The following TCEA1 variants were observed in gnomAD, a reference collection of about 807,000 sequenced individuals.
TCEA1 encodes the protein transcription elongation factor A1.
Under a neutral mutation model 43.8 loss-of-function variants are expected in TCEA1, and 21 were observed. That is an observed-to-expected ratio of 0.48 (90% CI 0.34 to 0.69). The LOEUF (loss-of-function observed/expected upper bound fraction) is 0.69. Among genes scored for constraint, TCEA1 ranks in the 30% least tolerant of loss-of-function variants. The pLI is 0.01. For synonymous variants in TCEA1, 104 were observed against 117.5 expected, an observed-to-expected ratio of 0.88 and a Z score of 0.75; for missense variants, 250 against 365.1, an observed-to-expected ratio of 0.68 and a Z score of 2.57.
rs1338315684 is a variant in TCEA1, at chr8:53,999,925, T to C, written c.232+20A>G. The C allele has an allele frequency of 7.2e-7, 1 of 1,388,738 alleles. No homozygotes were observed. The highest frequency in any genetic ancestry group is 1.2e-5 in the South Asian group (1 of 81,896). The allele number at this position is 1,388,738 out of a possible 1,614,324, so 86.0% of individuals were successfully genotyped here. ...TAAATCACAACATCATAAATATATG[T>C]AAGGGAAGATCAATGATACCTAATA... is the stretch of plus-strand genomic sequence containing the variant. On this transcript the variant is annotated intron_variant, in intron 3 of 9. Transcript: ENST00000521604.
chr8:54,017,683 G>A (rs1804878551), intron 1 of TCEA1, among the ~76,000 whole-genome samples: 1 of 152,214 alleles, frequency 6.6e-6, no homozygotes, highest in Non-Finnish European at 1.5e-5. Flanking sequence ...CAATTTGGGA[G>A]GCCGAGGCAG....
intron 2 of TCEA1, among the ~76,000 whole-genome samples, chr8:54,006,557 A>C (rs1160028937): frequency 6.6e-6 from 1 of 152,224 alleles, no homozygotes; most frequent in African/African-American, 2.4e-5. Context: ...AAAAAATTAG[A>C]GATGCTCATA....
In TCEA1 at chr8:53,993,818, G is replaced by T; in HGVS notation, c.233-63C>A. ...TAAAAACTAAAAACTAAAATACTGC[G>T]TTAACAGGCTATTTGCACAACATGA... On this transcript the variant is annotated intron_variant, in intron 3 of 9. Coordinates refer to ENST00000521604, the MANE Select transcript of TCEA1 (RefSeq NM_006756.4). 4 of 1,290,538 alleles carry T rather than the reference G, an allele frequency of 3.1e-6. No individual in the cohort carries two copies. In the South Asian group the frequency reaches 5.0e-5, roughly 16 times the overall value. 79.9% of individuals were successfully genotyped at this position (1,290,538 alleles called of 1,614,324 possible). A position where few individuals can be genotyped will look rare whatever the true frequency, so the allele number is the denominator to read the frequency against.
intron 1 of TCEA1, among the ~76,000 whole-genome samples, chr8:54,020,212 C>T (rs544822262): frequency 6.6e-6 from 1 of 152,058 alleles, no homozygotes; most frequent in African/African-American, 2.4e-5. Context: ...CTTTTTTTCC[C>T]TGGGAGCTTC....
chr8:53,976,481 C>G (rs1336474619), intron 8 of TCEA1, among the ~76,000 whole-genome samples: 1 of 152,144 alleles, frequency 6.6e-6, no homozygotes, highest in Non-Finnish European at 1.5e-5. Flanking sequence ...TCTTTTACAT[C>G]TGTTATTTCC....
chr8:53,966,886 A>T lies in TCEA1; in HGVS notation c.*1218T>A, dbSNP rs1465721635. On this transcript the variant is annotated 3_prime_UTR_variant, in exon 10 of 10. Coordinates refer to ENST00000521604, the MANE Select transcript of TCEA1 (RefSeq NM_006756.4). ...AATGCAGATTCAGCATAAAATGTAG[A>T]CTTTGCAACAGTGGCCTTTAAAGTA... 1.5e-5 allele frequency: 3 copies of T among 204,232 alleles called. No individual in the cohort carries two copies. Among genetic ancestry groups the T allele is most frequent in the African/African-American group, 6.9e-5 (3 of 43,612 alleles). The allele number at this position is 204,232 out of a possible 1,614,324, so 12.7% of individuals were successfully genotyped here.
intron 9 of TCEA1, chr8:53,970,177 A>G (rs1296567321): frequency 1.8e-6 from 1 of 571,312 alleles, no homozygotes; most frequent in Admixed American, 3.3e-5. Context: ...CCTGCACCAA[A>G]ACAAATAAAG....
intron 7 of TCEA1, among the ~76,000 whole-genome samples, chr8:53,984,092 C>T (rs1349192522): frequency 2.0e-5 from 3 of 152,132 alleles, no homozygotes; most frequent in African/African-American, 7.2e-5. Flanking sequence ...AAAAGCAAAA[C>T]TCTGTCTCGA....
intron 7 of TCEA1, among the ~76,000 whole-genome samples, chr8:53,981,298 G>A (rs1426869035): frequency 2.0e-5 from 3 of 152,228 alleles, no homozygotes; most frequent in Admixed American, 6.5e-5. Flanking sequence ...TATTGGAAGA[G>A]GGTGACATCT....
At chr8:54,016,097 G>C (rs1287588986) in intron 1 of TCEA1, among the ~76,000 whole-genome samples, 1 of 152,194 alleles carries the variant, frequency 6.6e-6, no homozygotes, top group Admixed American at 6.5e-5. Context: ...AGCCACACTG[G>C]AAAGGTCTGG....
chr8:53,981,928 T>TTTC (rs201902344), intron 7 of TCEA1, among the ~76,000 whole-genome samples: 15 of 124,270 alleles, frequency 1.2e-4, no homozygotes, highest in African/African-American at 3.6e-4. Context: ...CTAAGTTTTC[T>TTTC]TTTTTTTTTT....
chr8:54,016,108 C>A (rs569944610), intron 1 of TCEA1, among the ~76,000 whole-genome samples: 1 of 152,332 alleles, frequency 6.6e-6, no homozygotes, highest in Non-Finnish European at 1.5e-5. Flanking sequence ...AAAGGTCTGG[C>A]AGTTCCTCAA....
intron 6 of TCEA1, among the ~76,000 whole-genome samples, chr8:53,986,633 T>C (rs561784540): frequency 3.6e-4 from 55 of 152,368 alleles, no homozygotes; most frequent in Non-Finnish European, 5.4e-4. Context: ...TAGGGATTTA[T>C]ATGTTTCAGT....
At chr8:53,981,754 CTTT>C (rs113461227) in intron 7 of TCEA1, among the ~76,000 whole-genome samples, 6 of 140,694 alleles carry the variant, frequency 4.3e-5, no homozygotes, top group Non-Finnish European at 3.1e-5. Flanking sequence ...GTAATTCTGA[CTTT>C]TTTTTTTTTT....
chr8:54,021,628 G>C (rs1168881638), intron 1 of TCEA1: 1 of 155,650 alleles, frequency 6.4e-6, no homozygotes, highest in Non-Finnish European at 1.4e-5. Flanking sequence ...TTACCAGCCC[G>C]ATGTCTAATA....
intron 8 of TCEA1, among the ~76,000 whole-genome samples, chr8:53,976,820 G>C (rs1299951564): frequency 6.6e-6 from 1 of 152,162 alleles, no homozygotes; most frequent in African/African-American, 2.4e-5. Flanking sequence ...ACTTTTATCA[G>C]TGTTGATGCA....
chr8:53,987,070 A>G (rs1288466168), intron 5 of TCEA1, 45 bp from the exon 6 acceptor site: 5 of 1,492,840 alleles, frequency 3.3e-6, no homozygotes, highest in Non-Finnish European at 4.5e-6. Flanking sequence ...TAACAGATTA[A>G]AAGAAAATTC....
intron 6 of TCEA1, among the ~76,000 whole-genome samples, chr8:53,985,306 C>T (rs1162162468): frequency 2.0e-5 from 3 of 152,184 alleles, no homozygotes; most frequent in Admixed American, 6.5e-5. Flanking sequence ...CGTGAGCCAC[C>T]GCGCCCGGCC....
chr8:53,978,091 T>C lies in TCEA1; in HGVS notation c.825+934A>G, dbSNP rs138412396. 3.2e-4 allele frequency among the ~76,000 whole-genome samples: 49 copies of C among 152,262 alleles called. 1 individual carries two copies. Among genetic ancestry groups the C allele is most frequent in the African/African-American group, 1.2e-3 (48 of 41,550 alleles). On this transcript the variant is annotated intron_variant, in intron 8 of 9. Coordinates refer to ENST00000521604, the MANE Select transcript of TCEA1 (RefSeq NM_006756.4). ...ATATATCAACTTGGTTTTAGTTAAC[T>C]AGAATCAGTATTAAGAAAGCATTCT...
Sources: allele counts gnomAD v4.1 joint callset (sites outside exome capture counted in the v4.1 genomes callset), GRCh38; gene constraint gnomAD v4.1.1; transcripts MANE v1.5; gene names NCBI Gene and HGNC (gene_info 2026-07-23, HGNC 2026-07-21).